The following GRIP2 variants were observed in gnomAD, a reference collection of about 807,000 sequenced individuals.
GRIP2 encodes glutamate receptor interacting protein 2.
In GRIP2, 58 loss-of-function variants were observed where a neutral mutation model predicts 108.3. That is an observed-to-expected ratio of 0.54 (90% CI 0.43 to 0.67). GRIP2 has a LOEUF of 0.67. GRIP2 is among the 30% of genes least tolerant of loss of function. The pLI is 0.00. For missense variants in GRIP2, 1,278 were observed against 1,430.6 expected (o/e 0.89, Z 1.72); for synonymous variants, 586 against 598.2 (o/e 0.98, Z 0.30).
chr3:14,557,028 G>A (rs1420376084), upstream of GRIP2, among the ~76,000 whole-genome samples: 8 of 152,206 alleles, frequency 5.3e-5, no homozygotes, highest in Admixed American at 6.5e-5. Context: ...ACACCCGCTC[G>A]GGAATCATGG....
At chr3:14,579,490 G>C in the GRIP2 span, among the ~76,000 whole-genome samples, 3 of 152,136 alleles carry the variant, frequency 2.0e-5, no homozygotes, top group South Asian at 2.1e-4. Context: ...ATGGGAGGAC[G>C]GGCATGTAGG....
intron 10 of GRIP2, among the ~76,000 whole-genome samples, chr3:14,517,491 TCTC>T (rs1301722838): frequency 1.8e-5 from 2 of 111,484 alleles, no homozygotes; most frequent in Non-Finnish European, 1.7e-5. Flanking sequence ...CTAATCTCTC[TCTC>T]TTTTTTTTTT....
chr3:14,603,014 T>C, the GRIP2 span, among the ~76,000 whole-genome samples: 2 of 145,626 alleles, frequency 1.4e-5, no homozygotes, highest in Non-Finnish European at 3.0e-5. Flanking sequence ...CGGCCCGGCC[T>C]CGCCAGCCCG....
chr3:14,545,971 G>A (rs1288755706), upstream of GRIP2, among the ~76,000 whole-genome samples: 5 of 152,238 alleles, frequency 3.3e-5, no homozygotes, highest in African/African-American at 1.2e-4. Flanking sequence ...CGGACAGACA[G>A]AAGGCATTTG....
intron 21 of GRIP2, among the ~76,000 whole-genome samples, chr3:14,499,133 C>A (rs902976089): frequency 6.6e-6 from 1 of 152,130 alleles, no homozygotes; most frequent in Non-Finnish European, 1.5e-5. Context: ...GCGTGACCTC[C>A]GCATGAAGGT....
chr3:14,558,618 T>C (rs1695270898), upstream of GRIP2, among the ~76,000 whole-genome samples: 1 of 152,050 alleles, frequency 6.6e-6, no homozygotes, highest in Non-Finnish European at 1.5e-5. Context: ...CTGTCACCAG[T>C]TAACCCTGGA....
chr3:14,527,212 G>A (rs1266473858), intron 1 of GRIP2, among the ~76,000 whole-genome samples: 12 of 151,894 alleles, frequency 7.9e-5, no homozygotes, highest in Admixed American at 7.9e-4. Context: ...GAAAGACAGA[G>A]ACAGAAGAGA....
intron 21 of GRIP2, among the ~76,000 whole-genome samples, chr3:14,499,275 C>G (rs1257607655): frequency 6.6e-6 from 1 of 152,188 alleles, no homozygotes; most frequent in African/African-American, 2.4e-5. Context: ...ACTGATGCAT[C>G]GACAACGCAG....
In GRIP2 at chr3:14,507,033, C is replaced by G; in HGVS notation, c.2219-53G>C. ...GACTTCAGAGACACTCACAGTGAGC[C>G]TCAGTTTCTGCATTTCAGCCTGGTC... On this transcript the variant is annotated intron_variant, in intron 18 of 23. Transcript: ENST00000621039. The surrounding 1 kb of genome is among the most constrained non-coding windows in gnomAD (Gnocchi z 4.6). 6.7e-7 allele frequency: 1 copy of G among 1,494,120 alleles called. No individual in the cohort carries two copies. The allele number at this position is 1,494,120 out of a possible 1,614,324, so 92.6% of individuals were successfully genotyped here. A position where few individuals can be genotyped will look rare whatever the true frequency, so the allele number is the denominator to read the frequency against.
At chr3:14,535,508 T>A (rs1056438065) in intron 1 of GRIP2, among the ~76,000 whole-genome samples, 1 of 152,224 alleles carries the variant, frequency 6.6e-6, no homozygotes, top group Non-Finnish European at 1.5e-5. Context: ...TCCTAGTGAT[T>A]AAGTGCTGGT....
chr3:14,601,305 G>A, the GRIP2 span, among the ~76,000 whole-genome samples: 1 of 152,094 alleles, frequency 6.6e-6, no homozygotes, highest in African/African-American at 2.4e-5. Flanking sequence ...AAGATCACAG[G>A]GCATGCTCAG....
chr3:14,547,865 A>T (rs1695081312), intron 1 of GRIP2, among the ~76,000 whole-genome samples: 1 of 152,234 alleles, frequency 6.6e-6, no homozygotes, highest in Non-Finnish European at 1.5e-5. Context: ...TGTCCTAGAG[A>T]ATGTTGTCAA....
the GRIP2 span, chr3:14,601,959 C>G: frequency 1.3e-5 from 2 of 152,268 alleles, no homozygotes; most frequent in African/African-American, 2.4e-5. Context: ...GGGGCTTTAC[C>G]TCTTTGAGGC....
the GRIP2 span, chr3:14,573,054 C>G: frequency 7.2e-7 from 1 of 1,380,650 alleles, no homozygotes; most frequent in Non-Finnish European, 1.0e-6. Flanking sequence ...GCTGATGTAG[C>G]GCTAGAAGGC....
chr3:14,602,648 C>A, the GRIP2 span, among the ~76,000 whole-genome samples: 1 of 151,874 alleles, frequency 6.6e-6, no homozygotes, highest in Non-Finnish European at 1.5e-5. This position sits in a 1 kb window ranked among gnomAD's most constrained non-coding sequence, Gnocchi z 4.7. Context: ...CCCCGGCGGG[C>A]GCCCTGCCCC....
chr3:14,549,844 C>T (rs1373671663), intron 1 of GRIP2, among the ~76,000 whole-genome samples: 1 of 152,184 alleles, frequency 6.6e-6, no homozygotes, highest in African/African-American at 2.4e-5. Flanking sequence ...CAGTTCAATT[C>T]ACACACATTC....
the GRIP2 span, among the ~76,000 whole-genome samples, chr3:14,578,624 G>A: frequency 2.0e-5 from 3 of 152,128 alleles, no homozygotes; most frequent in South Asian, 6.2e-4. Flanking sequence ...GGCTGAAACA[G>A]GAGAATCACT....
chr3:14,590,039 T>C, the GRIP2 span, among the ~76,000 whole-genome samples: 27 of 152,306 alleles, frequency 1.8e-4, no homozygotes, highest in Middle Eastern at 6.8e-3. Flanking sequence ...GTGATCCTCC[T>C]GCCTCACCTC....
chr3:14,497,491 G>A (rs968714842), intron 21 of GRIP2, among the ~76,000 whole-genome samples: 7 of 152,146 alleles, frequency 4.6e-5, no homozygotes, highest in Non-Finnish European at 8.8e-5. Context: ...GAAACAGCAC[G>A]TGCAAAGCCC....
Sources: gnomAD v4.1 joint callset for allele counts (sites outside exome capture counted in the v4.1 genomes callset) on GRCh38, gnomAD v4.1.1 for gene constraint, Gnocchi (gnomAD v3.1) non-coding constraint, MANE v1.5 for transcripts, NCBI Gene and HGNC (gene_info 2026-07-23, HGNC 2026-07-21) for gene names.